ADGRF4: variants seen among roughly 807,000 people sequenced by gnomAD.
The protein encoded by ADGRF4 is adhesion G protein-coupled receptor F4.
ADGRF4 carries 63 observed loss-of-function variants against 58.5 expected under a neutral mutation model. The ratio of observed to expected loss-of-function variants is 1.08; its 90% CI spans 0.88 to 1.33. The LOEUF is 1.33. ADGRF4 is among the 40% of genes most tolerant of loss of function. The probability of loss-of-function intolerance (pLI) is 0.00; values close to 1 mark genes in which losing one functional copy is unlikely to be tolerated. For missense variants in ADGRF4, 931 were observed against 843.9 expected, an observed-to-expected ratio of 1.10 and a Z score of -1.28; for synonymous variants, 313 against 295.4, an observed-to-expected ratio of 1.06 and a Z score of -0.61.
chr6:47,716,735 C>A, intron 6 of ADGRF4, 71 bp from the exon 7 acceptor site: 2 of 1,114,906 alleles, frequency 1.8e-6, no homozygotes, highest in Non-Finnish European at 2.7e-6. Flanking sequence ...TCTAGAAGAG[C>A]GGTATGAAAA....
intron 5 of ADGRF4, among the ~76,000 whole-genome samples, 196 bp from the exon 6 acceptor site, chr6:47,713,602 T>C (rs1005428498): frequency 3.3e-5 from 5 of 150,040 alleles, no homozygotes; most frequent in Admixed American, 1.3e-4. Context: ...TTAGCTGTGA[T>C]TTTTTTTTGC....
At chr6:47,698,984 C>T (rs139695204) in intron 1 of ADGRF4, among the ~76,000 whole-genome samples, 190 bp downstream of exon 1, 9 of 152,278 alleles carry the variant, frequency 5.9e-5, no homozygotes, top group South Asian at 2.1e-4. Context: ...GCCTCTTTTA[C>T]GTTTGTTTTT....
chr6:47,701,984 A>T (rs1475600793), intron 1 of ADGRF4, among the ~76,000 whole-genome samples: 4 of 152,072 alleles, frequency 2.6e-5, no homozygotes, highest in Non-Finnish European at 5.9e-5. Context: ...CATTATAGGT[A>T]TGCACCACCA....
In ADGRF4 at chr6:47,716,807, G is replaced by GA; in HGVS notation, c.1934_1935insA (p.Ile648HisfsTer31). On this transcript the variant is annotated frameshift_variant and splice_region_variant, in exon 7 of 10. Transcript: ENST00000283303. LOFTEE classifies it high-confidence loss of function. ...TGAATCTGTTCAATTTTGCCACAGG[G>GA]TTTTTTCATCCTGCTGTTTGGAACC... 1.2e-6 allele frequency: 2 copies of GA among 1,601,158 alleles called. No individual in the cohort carries two copies. The highest frequency in any genetic ancestry group is 1.7e-6 in the Non-Finnish European group (2 of 1,173,742).
chr6:47,710,592 C>A (rs1771836589), intron 3 of ADGRF4, 143 bp from the exon 4 acceptor site: 1 of 674,430 alleles, frequency 1.5e-6, no homozygotes, highest in Non-Finnish European at 2.5e-6. Flanking sequence ...AGCTCTTACT[C>A]ATTGCCGTGG....
At chr6:47,708,004 C>T (rs1207620855) in intron 2 of ADGRF4, among the ~76,000 whole-genome samples, 2 of 152,178 alleles carry the variant, frequency 1.3e-5, no homozygotes, top group Non-Finnish European at 2.9e-5. Flanking sequence ...CAAGTGACCA[C>T]CATCAAGGTT....
rs1417957774 is a variant in ADGRF4 at position 47,714,458 on chromosome 6, A to G, written c.1213A>G (p.Thr405Ala). The G allele has an allele frequency of 1.2e-6, 2 of 1,614,106 alleles. No individual in the cohort carries two copies. Among genetic ancestry groups the G allele is most frequent in the Non-Finnish European group, 1.7e-6 (2 of 1,180,022 alleles). The change falls in exon 6 of 10, where the codon ACC (threonine) becomes GCC (alanine). Residue 405 changes from threonine to alanine, a missense_variant. Coordinates refer to ENST00000283303, the MANE Select transcript of ADGRF4 (RefSeq NM_153838.5). Reference sequence around the variant, plus strand: ...GACCGACAAAGTTCTGGACTACATCACCTGCATTGGGCTCAGCGTCTCAAT... The same window carrying G: ...GACCGACAAAGTTCTGGACTACATCGCCTGCATTGGGCTCAGCGTCTCAAT... ...SMTDKVLDYI[T>A]CIGLSVSILS... is the part of the protein sequence containing the mutation.
chr6:47,716,358 C>G (rs1772019195), intron 6 of ADGRF4, among the ~76,000 whole-genome samples: 2 of 152,010 alleles, frequency 1.3e-5, no homozygotes. Context: ...GCTTAGAGGC[C>G]TTGGCTGTCT....
At chr6:47,704,269 C>G (rs1461066338) in intron 1 of ADGRF4, among the ~76,000 whole-genome samples, 2 of 152,096 alleles carry the variant, frequency 1.3e-5, no homozygotes, top group Non-Finnish European at 2.9e-5. Flanking sequence ...GTCTCGAACT[C>G]CTGACCTCAG....
chr6:47,705,589 C>T (rs1367376493), intron 1 of ADGRF4, among the ~76,000 whole-genome samples: 1 of 152,216 alleles, frequency 6.6e-6, no homozygotes, highest in African/African-American at 2.4e-5. Flanking sequence ...AAACTTGAAA[C>T]TCAAAGATAA....
intron 9 of ADGRF4, among the ~76,000 whole-genome samples, chr6:47,719,012 A>G (rs1772097427): frequency 6.6e-6 from 1 of 152,210 alleles, no homozygotes; most frequent in African/African-American, 2.4e-5. Flanking sequence ...GTGGGCAGGG[A>G]TGATCAACCT....
chr6:47,708,339 C>A, intron 3 of ADGRF4, 61 bp downstream of exon 3: 1 of 1,297,370 alleles, frequency 7.7e-7, no homozygotes, highest in Non-Finnish European at 1.1e-6. Context: ...AGGAAGGGCA[C>A]TGATGTTGCA....
intron 4 of ADGRF4, among the ~76,000 whole-genome samples, chr6:47,711,856 G>T (rs1306312906): frequency 6.6e-6 from 1 of 150,924 alleles, no homozygotes; most frequent in Non-Finnish European, 1.5e-5. Flanking sequence ...GGTCACACTC[G>T]AAAGTGAATG....
At chr6:47,710,672 G>A in intron 3 of ADGRF4, 63 bp from the exon 4 acceptor site, 3 of 1,502,022 alleles carry the variant, frequency 2.0e-6, no homozygotes, top group Non-Finnish European at 1.8e-6. Flanking sequence ...TGATGCACCT[G>A]TCAAAATGTG....
chr6:47,716,857 A>G lies in ADGRF4; in HGVS notation c.1974+10A>G. 1 of 1,573,232 alleles carries G rather than the reference A, an allele frequency of 6.4e-7. No individual in the cohort carries two copies. Among genetic ancestry groups the G allele is most frequent in the Non-Finnish European group, 8.7e-7 (1 of 1,151,240 alleles). ...CATTATGGATCACAAGGTAATTTGA[A>G]TTTGCTTCCTCCTTATAAATGGTTT... On this transcript the variant is annotated intron_variant, in intron 7 of 9. Coordinates refer to ENST00000283303, the MANE Select transcript of ADGRF4 (RefSeq NM_153838.5).
Position 47,714,622 on chromosome 6 carries a change from A to G in ADGRF4, c.1377A>G (p.Ile459Met), listed in dbSNP as rs1382833471. 1 of 1,614,168 alleles carries G rather than the reference A, an allele frequency of 6.2e-7. No individual in the cohort carries two copies. Among genetic ancestry groups the G allele is most frequent in the South Asian group, 1.1e-5 (1 of 91,074 alleles). The change falls in exon 6 of 10, where the codon ATA becomes ATG. Residue 459 changes from isoleucine (I) to methionine (M), a missense_variant. Ile to Met is a conservative substitution (Grantham distance 10, BLOSUM62 1). Transcript: ENST00000283303. Reference sequence around the variant, plus strand: ...TGACTGCCAATGTGTGGTTTATCATAGGCTCTCACTTTAACATTAAGGCCC... The same window carrying G: ...TGACTGCCAATGTGTGGTTTATCATGGGCTCTCACTTTAACATTAAGGCCC... ...SLLTANVWFIIGSHFNIKAQD... is the reference protein window; with the variant it reads ...SLLTANVWFIMGSHFNIKAQD...
At chr6:47,709,056 G>A (rs1036364159) in intron 3 of ADGRF4, among the ~76,000 whole-genome samples, 3 of 152,166 alleles carry the variant, frequency 2.0e-5, no homozygotes, top group Non-Finnish European at 2.9e-5. Context: ...TACAAACAAG[G>A]TTTGATGCAA....
intron 4 of ADGRF4, among the ~76,000 whole-genome samples, chr6:47,711,916 G>C (rs1446133846): frequency 6.6e-6 from 1 of 152,146 alleles, no homozygotes; most frequent in East Asian, 1.9e-4. Flanking sequence ...TTCTGAGTGA[G>C]TCTAGGTAAA....
chr6:47,706,972 A>C (rs1269261240), intron 1 of ADGRF4, among the ~76,000 whole-genome samples: 1 of 152,242 alleles, frequency 6.6e-6, no homozygotes. Flanking sequence ...TGCTTTGGTG[A>C]AACTACATCC....
Sources: gnomAD v4.1 joint callset for allele counts (sites outside exome capture counted in the v4.1 genomes callset) on GRCh38, gnomAD v4.1.1 for gene constraint, MANE v1.5 for transcripts, NCBI Gene and HGNC (gene_info 2026-07-23, HGNC 2026-07-21) for gene names.